The following L3MBTL4 variants were observed in gnomAD, a reference collection of about 807,000 sequenced individuals.
L3MBTL4 encodes the protein lethal(3)malignant brain tumor-like protein 4.
L3MBTL4 carries 70 observed loss-of-function variants against 84.5 expected under a neutral mutation model. The ratio of observed to expected loss-of-function variants is 0.83; its 90% CI spans 0.68 to 1.01. L3MBTL4 has a LOEUF of 1.01. Ranked by LOEUF, L3MBTL4 falls within the 50% of genes least tolerant of loss-of-function variation. The pLI, the probability that L3MBTL4 is intolerant of heterozygous loss-of-function variation, is 0.00. For synonymous variants in L3MBTL4, 274 were observed against 259.8 expected (o/e 1.05, Z -0.52); for missense variants, 715 against 754.8 (o/e 0.95, Z 0.62).
chr18:6,375,620 T>A (rs144170256), intron 1 of L3MBTL4, among the ~76,000 whole-genome samples: 236 of 152,256 alleles, frequency 1.6e-3, no homozygotes, highest in African/African-American at 5.3e-3. Context: ...GGGCTCTTTG[T>A]CACTGTATCT....
intron 13 of L3MBTL4, among the ~76,000 whole-genome samples, chr18:6,149,994 T>C (rs2042822415): frequency 6.6e-6 from 1 of 152,110 alleles, no homozygotes; most frequent in South Asian, 2.1e-4. Flanking sequence ...TAAGGGGAGA[T>C]AAGAGACAGG....
At chr18:6,020,073 C>G (rs1374989467) in intron 16 of L3MBTL4, among the ~76,000 whole-genome samples, 1 of 152,046 alleles carries the variant, frequency 6.6e-6, no homozygotes, top group Non-Finnish European at 1.5e-5. Flanking sequence ...TCATGGAGCT[C>G]ACATTCTACA....
At chr18:6,116,029 C>T (rs1424272182) in intron 14 of L3MBTL4, among the ~76,000 whole-genome samples, 1 of 152,078 alleles carries the variant, frequency 6.6e-6, no homozygotes, top group Non-Finnish European at 1.5e-5. Context: ...TCAAGTGGGA[C>T]AAGGCAGACT....
intron 1 of L3MBTL4, among the ~76,000 whole-genome samples, chr18:6,334,061 G>A (rs1254321269): frequency 2.0e-5 from 3 of 152,172 alleles, no homozygotes; most frequent in African/African-American, 4.8e-5. Context: ...AATCAAGACG[G>A]TCTTGCAGTG....
intron 3 of L3MBTL4, among the ~76,000 whole-genome samples, chr18:6,311,216 C>T (rs199738781): frequency 1.2e-4 from 18 of 151,832 alleles, no homozygotes; most frequent in African/African-American, 2.2e-4. Context: ...TATACACATA[C>T]GGTCATCCTA....
chr18:6,161,132 A>G (rs1200873687), intron 13 of L3MBTL4, among the ~76,000 whole-genome samples: 1 of 152,230 alleles, frequency 6.6e-6, no homozygotes, highest in Non-Finnish European at 1.5e-5. Context: ...GTGCTAAGAC[A>G]TCAGTATTTA....
intron 1 of L3MBTL4, among the ~76,000 whole-genome samples, chr18:6,349,221 CA>C (rs2053063116): frequency 6.6e-6 from 1 of 152,134 alleles, no homozygotes; most frequent in Non-Finnish European, 1.5e-5. Flanking sequence ...ATGTATTCAC[CA>C]AAAGACATAT....
intron 1 of L3MBTL4, among the ~76,000 whole-genome samples, chr18:6,353,007 T>A (rs1025961399): frequency 3.9e-5 from 6 of 152,212 alleles, no homozygotes; most frequent in African/African-American, 1.4e-4. Context: ...AATTATAGTT[T>A]TTCAATAAAT....
chr18:6,266,244 C>T (rs1354449344), intron 4 of L3MBTL4, among the ~76,000 whole-genome samples: 2 of 152,090 alleles, frequency 1.3e-5, no homozygotes, highest in Non-Finnish European at 2.9e-5. Flanking sequence ...CGTAGAAAAG[C>T]AATTGGAAAG....
intron 12 of L3MBTL4, among the ~76,000 whole-genome samples, chr18:6,173,539 G>A (rs1028397418): frequency 1.2e-4 from 19 of 152,224 alleles, no homozygotes; most frequent in African/African-American, 4.6e-4. Flanking sequence ...CAGCACTTTG[G>A]GAGGCCAAGG....
chr18:6,259,572 T>C (rs2048309318), intron 5 of L3MBTL4: 1 of 152,220 alleles, frequency 6.6e-6, no homozygotes, highest in Non-Finnish European at 1.5e-5. Flanking sequence ...CTTTTTCTTC[T>C]TTTTTCTTCT....
At chr18:6,341,546 G>A (rs2052610544) in intron 1 of L3MBTL4, among the ~76,000 whole-genome samples, 1 of 151,496 alleles carries the variant, frequency 6.6e-6, no homozygotes, top group Admixed American at 6.6e-5. Context: ...GAAAGAATCA[G>A]TGAACTCAAA....
rs186418150 is a variant in L3MBTL4, at chr18:6,278,427, C to T, written c.128-14389G>A. On this transcript the variant is annotated intron_variant, in intron 4 of 18. Coordinates refer to ENST00000317931, the MANE Select transcript of L3MBTL4 (RefSeq NM_001330559.2). ...TGTGTTATCACTGAATTTTACATTACTCATCATTATACCTCCTTAGTAATA... is the reference window on the plus strand; with the variant it reads ...TGTGTTATCACTGAATTTTACATTATTCATCATTATACCTCCTTAGTAATA... 1.3e-3 allele frequency among the ~76,000 whole-genome samples: 200 copies of T among 152,254 alleles called. 1 individual carries two copies. Among genetic ancestry groups the T allele is most frequent in the Non-Finnish European group, 2.3e-3 (157 of 67,996 alleles).
At chr18:6,374,619 C>T (rs769680670) in intron 1 of L3MBTL4, among the ~76,000 whole-genome samples, 2 of 152,150 alleles carry the variant, frequency 1.3e-5, no homozygotes, top group African/African-American at 2.4e-5. Flanking sequence ...AAAGTCAAAT[C>T]ACCAGAATGG....
At chr18:6,027,570 T>C (rs2055569965) in intron 16 of L3MBTL4, among the ~76,000 whole-genome samples, 1 of 152,224 alleles carries the variant, frequency 6.6e-6, no homozygotes, top group African/African-American at 2.4e-5. Flanking sequence ...GATTGCTGGG[T>C]CAAATGGTAT....
At chr18:6,368,613 C>A (rs1281304225) in intron 1 of L3MBTL4, among the ~76,000 whole-genome samples, 1 of 152,140 alleles carries the variant, frequency 6.6e-6, no homozygotes, top group Non-Finnish European at 1.5e-5. Flanking sequence ...TAAGAGACTT[C>A]CAAAAAGTCA....
Position 5,969,522 on chromosome 18 carries a change from T to C in L3MBTL4, c.1485A>G (p.Ser495=), listed in dbSNP as rs1310175348. ...GGGCTGACACCGTGGACATGGACAC[T>C]GACTGGTGAAGCACCTGCTGCGCCT... ...VEQAQQVLHQ[S]VSMSTVSAHP... The change falls in exon 17 of 19, where the codon TCA becomes TCG. Residue 495 remains serine, a synonymous_variant. Transcript: ENST00000317931. 2 of 1,613,268 alleles carry C rather than the reference T, an allele frequency of 1.2e-6. No homozygotes were observed. Among genetic ancestry groups the C allele is most frequent in the Admixed American group, 1.7e-5 (1 of 59,914 alleles).
intron 12 of L3MBTL4, among the ~76,000 whole-genome samples, chr18:6,183,517 C>T (rs1207188397): frequency 6.6e-6 from 1 of 152,208 alleles, no homozygotes; most frequent in Non-Finnish European, 1.5e-5. Context: ...TCAATATGCA[C>T]TCTTGATTTG....
chr18:5,988,561 ATAAG>A (rs1416223247), intron 16 of L3MBTL4, among the ~76,000 whole-genome samples: 1 of 152,214 alleles, frequency 6.6e-6, no homozygotes, highest in Non-Finnish European at 1.5e-5. Context: ...TTTTCTGTAG[ATAAG>A]TAAGGTAAAT....
Sources: gnomAD v4.1 joint callset for allele counts (sites outside exome capture counted in the v4.1 genomes callset) on GRCh38, gnomAD v4.1.1 for gene constraint, MANE v1.5 for transcripts, NCBI Gene and HGNC (gene_info 2026-07-23, HGNC 2026-07-21) for gene names.